The following SDK1 variants were observed in gnomAD, a reference collection of about 807,000 sequenced individuals.
The protein encoded by SDK1 is protein sidekick-1.
SDK1 carries 157 observed loss-of-function variants against 245.5 expected under a neutral mutation model. The observed-to-expected ratio is 0.64, with a 90% CI of 0.56 to 0.73. The LOEUF (loss-of-function observed/expected upper bound fraction) is 0.73, where lower values mean the gene tolerates loss of function less well. Ranked by LOEUF, SDK1 falls within the 30% of genes least tolerant of loss-of-function variation. The pLI, the probability that SDK1 is intolerant of heterozygous loss-of-function variation, is 0.00. For missense variants in SDK1, 3,583 were observed against 3,002.3 expected, an observed-to-expected ratio of 1.19 and a Z score of -4.52; for synonymous variants, 1,647 against 1,278.5, an observed-to-expected ratio of 1.29 and a Z score of -6.15.
intron 5 of SDK1, among the ~76,000 whole-genome samples, chr7:3,856,757 C>T (rs1780557768): frequency 6.6e-6 from 1 of 152,144 alleles, no homozygotes; most frequent in African/African-American, 2.4e-5. Context: ...CACCACTGCA[C>T]TCTAGCCTGG....
intron 5 of SDK1, among the ~76,000 whole-genome samples, chr7:3,835,999 A>T (rs1464789247): frequency 6.6e-6 from 1 of 152,226 alleles, no homozygotes; most frequent in Non-Finnish European, 1.5e-5. Context: ...GCTCTTATTT[A>T]TATGAGTATT....
At chr7:3,925,263 T>A (rs1411834011) in intron 5 of SDK1, among the ~76,000 whole-genome samples, 1 of 152,254 alleles carries the variant, frequency 6.6e-6, no homozygotes, top group East Asian at 1.9e-4. Flanking sequence ...GGAAGAACCT[T>A]TGATAAGCTG....
chr7:4,110,479 G>A (rs1179708509), intron 22 of SDK1, among the ~76,000 whole-genome samples, 184 bp from the exon 23 acceptor site: 1 of 152,176 alleles, frequency 6.6e-6, no homozygotes, highest in African/African-American at 2.4e-5. Flanking sequence ...TTGATGGTGG[G>A]CATAGCAAGA....
intron 17 of SDK1, among the ~76,000 whole-genome samples, chr7:4,040,350 A>AC (rs903519517): frequency 2.0e-5 from 3 of 152,164 alleles, no homozygotes; most frequent in Non-Finnish European, 4.4e-5. Context: ...GTAGTCTTCA[A>AC]CCCGGGGGTC....
chr7:3,964,078 G>T (rs540151742), intron 9 of SDK1, among the ~76,000 whole-genome samples: 1 of 152,280 alleles, frequency 6.6e-6, no homozygotes, highest in Non-Finnish European at 1.5e-5. Flanking sequence ...AGCCAGACCT[G>T]CTAGACTGGG....
chr7:3,633,252 C>T (rs926004379), intron 2 of SDK1, among the ~76,000 whole-genome samples: 2 of 152,036 alleles, frequency 1.3e-5, no homozygotes, highest in Admixed American at 6.6e-5. Flanking sequence ...AGTCCCCCCA[C>T]CACTGAAAGA....
chr7:3,480,368 C>T (rs1781477848), intron 1 of SDK1, among the ~76,000 whole-genome samples: 1 of 152,082 alleles, frequency 6.6e-6, no homozygotes, highest in Admixed American at 6.5e-5. Flanking sequence ...CATGTAGGAA[C>T]TACTGGAAGA....
chr7:3,866,465 C>T (rs894195385), intron 5 of SDK1, among the ~76,000 whole-genome samples: 3 of 152,174 alleles, frequency 2.0e-5, no homozygotes, highest in East Asian at 1.9e-4. Context: ...AACAAGTACA[C>T]AGGCCTTAGG....
At chr7:4,178,890 T>C (rs1782422925) in intron 35 of SDK1, among the ~76,000 whole-genome samples, 2 of 152,198 alleles carry the variant, frequency 1.3e-5, no homozygotes, top group Admixed American at 6.5e-5. Flanking sequence ...AAGTCAGTGG[T>C]GATGTAGGTG....
chr7:3,735,695 G>C (rs1035913720), intron 4 of SDK1, among the ~76,000 whole-genome samples: 1 of 152,168 alleles, frequency 6.6e-6, no homozygotes, highest in Non-Finnish European at 1.5e-5. Context: ...AGTATTGTTA[G>C]ATCATATGAT....
chr7:3,392,711 C>A (rs1016547557), intron 1 of SDK1, among the ~76,000 whole-genome samples: 4 of 151,968 alleles, frequency 2.6e-5, no homozygotes, highest in African/African-American at 9.7e-5. Context: ...CAACACATAT[C>A]TTTTTTTACC....
intron 35 of SDK1, among the ~76,000 whole-genome samples, chr7:4,194,477 T>TAC (rs1783467499): frequency 6.6e-6 from 1 of 151,610 alleles, no homozygotes; most frequent in Non-Finnish European, 1.5e-5. Flanking sequence ...TGTATATATA[T>TAC]ACTCCCATAT....
Position 3,383,249 on chromosome 7 carries a change from A to C in SDK1, c.298+81365A>C, listed in dbSNP as rs112489362. Among the ~76,000 whole-genome samples, 775 of 152,250 alleles carry C rather than the reference A, an allele frequency of 5.1e-3. 12 individuals are homozygous for C. Among genetic ancestry groups the C allele is most frequent in the African/African-American group, 0.017 (720 of 41,544 alleles). ...AATAGTGAGACCCTGTCACTACCAA[A>C]ACATAACAAAAATTAGCCTGGTGTG... is the stretch of plus-strand genomic sequence containing the variant. On this transcript the variant is annotated intron_variant, in intron 1 of 44. Coordinates refer to ENST00000404826, the MANE Select transcript of SDK1 (RefSeq NM_152744.4).
intron 4 of SDK1, among the ~76,000 whole-genome samples, chr7:3,648,480 G>C (rs1436345399): frequency 6.6e-6 from 1 of 152,184 alleles, no homozygotes; most frequent in African/African-American, 2.4e-5. Flanking sequence ...TAATGATCTG[G>C]ATTGTGAAGT....
At chr7:3,855,040 T>C (rs1462386584) in intron 5 of SDK1, among the ~76,000 whole-genome samples, 3 of 152,056 alleles carry the variant, frequency 2.0e-5, no homozygotes, top group African/African-American at 7.2e-5. Flanking sequence ...GGCCACAGAT[T>C]TGCCTGCCCA....
intron 22 of SDK1, among the ~76,000 whole-genome samples, chr7:4,104,307 C>T (rs780234011): frequency 5.3e-5 from 8 of 152,144 alleles, no homozygotes; most frequent in Non-Finnish European, 1.0e-4. Flanking sequence ...GCAAACCTCC[C>T]GCTTTGGCCT....
intron 1 of SDK1, among the ~76,000 whole-genome samples, chr7:3,406,916 C>G (rs537055707): frequency 1.5e-4 from 23 of 151,604 alleles, no homozygotes; most frequent in African/African-American, 5.4e-4. Flanking sequence ...TACTTTTTTA[C>G]TCAAACAAGC....
chr7:3,852,105 A>G (rs1477629084), intron 5 of SDK1, among the ~76,000 whole-genome samples: 2 of 151,736 alleles, frequency 1.3e-5, no homozygotes, highest in Admixed American at 1.3e-4. Flanking sequence ...CAGTCAAATT[A>G]GAGGACCGGC....
At chr7:4,111,910 C>G (rs900201068) in intron 23 of SDK1, among the ~76,000 whole-genome samples, 1 of 152,144 alleles carries the variant, frequency 6.6e-6, no homozygotes, top group Non-Finnish European at 1.5e-5. Context: ...ACATTGAACT[C>G]CACCTTCATT....
Sources: gnomAD v4.1 joint callset for allele counts (sites outside exome capture counted in the v4.1 genomes callset) on GRCh38, gnomAD v4.1.1 for gene constraint, MANE v1.5 for transcripts, NCBI Gene and HGNC (gene_info 2026-07-23, HGNC 2026-07-21) for gene names.